EPHB2: variants seen among roughly 807,000 people sequenced by gnomAD.
EPHB2 encodes ephrin type-B receptor 2.
A neutral mutation model predicts 96.4 loss-of-function variants in EPHB2; 18 were observed. The observed-to-expected ratio is 0.19, with a 90% CI of 0.13 to 0.28. EPHB2 has a LOEUF of 0.28. Among genes scored for constraint, EPHB2 ranks in the 10% least tolerant of loss-of-function variants. The pLI, the probability that EPHB2 is intolerant of heterozygous loss-of-function variation, is 1.00. For synonymous variants in EPHB2, 506 were observed against 534.1 expected, an observed-to-expected ratio of 0.95 and a Z score of 0.72; for missense variants, 989 against 1,355.4, an observed-to-expected ratio of 0.73 and a Z score of 4.25.
intron 1 of EPHB2, among the ~76,000 whole-genome samples, chr1:22,773,754 C>T (rs1159184437): frequency 1.3e-5 from 2 of 152,178 alleles, no homozygotes; most frequent in Admixed American, 6.5e-5. Context: ...CACATTCTGG[C>T]GCCCTGTCCT....
chr1:22,725,142 A>T (rs1643553784), intron 1 of EPHB2, among the ~76,000 whole-genome samples: 2 of 152,078 alleles, frequency 1.3e-5, no homozygotes, highest in Admixed American at 6.6e-5. Flanking sequence ...ATACTGGGAG[A>T]TTCTCATCCA....
chr1:22,874,010 C>T (rs1638757181), intron 5 of EPHB2, among the ~76,000 whole-genome samples: 1 of 152,180 alleles, frequency 6.6e-6, no homozygotes, highest in Non-Finnish European at 1.5e-5. Context: ...GGAACCCAGG[C>T]TCAGAGAGAG....
At chr1:22,893,336 T>C (rs1639452901) in intron 7 of EPHB2, among the ~76,000 whole-genome samples, 1 of 152,236 alleles carries the variant, frequency 6.6e-6, no homozygotes, top group Non-Finnish European at 1.5e-5. Flanking sequence ...GGTCCAATTT[T>C]TTCTCATCTA....
chr1:22,849,157 A>G (rs1645586498), intron 3 of EPHB2, among the ~76,000 whole-genome samples: 1 of 152,082 alleles, frequency 6.6e-6, no homozygotes, highest in African/African-American at 2.4e-5. Context: ...ACTGATGAGG[A>G]TCTGTGGTGC....
intron 1 of EPHB2, among the ~76,000 whole-genome samples, chr1:22,746,495 G>A (rs1643976001): frequency 6.6e-6 from 1 of 152,238 alleles, no homozygotes; most frequent in South Asian, 2.1e-4. Context: ...GAGGCCTGTG[G>A]GCTCCTCCTT....
At chr1:22,901,641 C>G (rs1375392667) in intron 9 of EPHB2, among the ~76,000 whole-genome samples, 1 of 152,220 alleles carries the variant, frequency 6.6e-6, no homozygotes, top group Non-Finnish European at 1.5e-5. Context: ...TTGTTGGAGG[C>G]TCTGGCCACC....
rs576469020 is a variant in EPHB2 at position 22,875,471 on chromosome 1, C to T, written c.1304-6888C>T. Among the ~76,000 whole-genome samples, 2 of 152,320 alleles carry T rather than the reference C, an allele frequency of 1.3e-5. No homozygotes were observed. Among genetic ancestry groups the T allele is most frequent in the South Asian group, 4.1e-4 (2 of 4,824 alleles). ...GCACAGGGCCTGGGGGAGAGGGAAA[C>T]TGCCTTCCGCTGGCTGCTTGGGAAG... On this transcript the variant is annotated intron_variant, in intron 5 of 15. Coordinates refer to ENST00000374630, the MANE Select transcript of EPHB2 (RefSeq NM_017449.5). This position sits in a 1 kb window ranked among gnomAD's most constrained non-coding sequence, Gnocchi z 4.2.
intron 9 of EPHB2, among the ~76,000 whole-genome samples, chr1:22,904,365 T>C (rs1353128426): frequency 6.6e-6 from 1 of 152,158 alleles, no homozygotes; most frequent in African/African-American, 2.4e-5. Context: ...AGAACTTTTA[T>C]TTTTGACAAT....
intron 3 of EPHB2, among the ~76,000 whole-genome samples, chr1:22,820,234 A>T (rs1645134384): frequency 6.6e-6 from 1 of 152,060 alleles, no homozygotes; most frequent in Non-Finnish European, 1.5e-5. Flanking sequence ...CCATTCTTAC[A>T]TGTGTCATCC....
intron 1 of EPHB2, among the ~76,000 whole-genome samples, chr1:22,748,611 A>G (rs1320310734): frequency 6.6e-6 from 1 of 150,958 alleles, no homozygotes; most frequent in South Asian, 2.1e-4. Context: ...CGAACTCCTG[A>G]CCTCATGATC....
At chr1:22,837,000 T>C (rs1432823885) in intron 3 of EPHB2, among the ~76,000 whole-genome samples, 2 of 152,074 alleles carry the variant, frequency 1.3e-5, no homozygotes, top group Non-Finnish European at 2.9e-5. Context: ...AGGGCCTTTG[T>C]GGTTCCAAGT....
chr1:22,825,450 G>A (rs557171934), intron 3 of EPHB2, among the ~76,000 whole-genome samples: 1 of 152,238 alleles, frequency 6.6e-6, no homozygotes. Context: ...CAGGGGGTGA[G>A]CGGAGCACTG....
intron 7 of EPHB2, 37 bp downstream of exon 7, chr1:22,893,083 C>G (rs1212794532): frequency 6.2e-7 from 1 of 1,613,902 alleles, no homozygotes; most frequent in Admixed American, 1.7e-5. Context: ...AGGGCACAGA[C>G]TCCACAAACA....
intron 3 of EPHB2, among the ~76,000 whole-genome samples, chr1:22,832,614 C>G (rs1422481605): frequency 2.0e-5 from 3 of 152,194 alleles, no homozygotes; most frequent in African/African-American, 7.2e-5. Flanking sequence ...GTTGCTATTC[C>G]TCTGCCATGA....
chr1:22,901,820 A>AGTGTGTGTGTGTGT lies in EPHB2; in HGVS notation c.1766-4154_1766-4141dup, dbSNP rs57503593. 7.0e-3 allele frequency among the ~76,000 whole-genome samples: 1,038 copies of AGTGTGTGTGTGTGT among 148,560 alleles called. 14 individuals are homozygous for AGTGTGTGTGTGTGT. The highest frequency in any genetic ancestry group is 0.018 in the African/African-American group (714 of 40,192). On this transcript the variant is annotated intron_variant, in intron 9 of 15. Coordinates refer to ENST00000374630, the MANE Select transcript of EPHB2 (RefSeq NM_017449.5). ...ATTTAACTTCGTGTGTGTGTGTGTG[A>AGTGTGTGTGTGTGT]GTGTGTGTGTGTGTGTGTGTGTGTG... is the stretch of plus-strand genomic sequence containing the variant.
At chr1:22,755,929 C>T (rs764880737) in intron 1 of EPHB2, among the ~76,000 whole-genome samples, 2 of 152,228 alleles carry the variant, frequency 1.3e-5, no homozygotes, top group Non-Finnish European at 1.5e-5. Flanking sequence ...TATGTAATTT[C>T]ACCACTCTAG....
intron 3 of EPHB2, among the ~76,000 whole-genome samples, chr1:22,829,631 G>A (rs6686906): frequency 0.36 from 54,288 of 152,066 alleles, 9,760 homozygotes; most frequent in South Asian, 0.49. Flanking sequence ...CTGGGGAGGT[G>A]GACGTGAATC....
chr1:22,732,629 A>G (rs1643743464), intron 1 of EPHB2, among the ~76,000 whole-genome samples: 1 of 152,100 alleles, frequency 6.6e-6, no homozygotes, highest in Admixed American at 6.5e-5. Flanking sequence ...ATTTTTGCCT[A>G]GCAGGTAAAT....
At chr1:22,881,503 G>A (rs1639043448) in intron 5 of EPHB2, among the ~76,000 whole-genome samples, 1 of 152,188 alleles carries the variant, frequency 6.6e-6, no homozygotes, top group African/African-American at 2.4e-5. Context: ...GCTACAGTGA[G>A]CTGTGTTCAT....
Sources: gnomAD v4.1 joint callset for allele counts (sites outside exome capture counted in the v4.1 genomes callset) on GRCh38, gnomAD v4.1.1 for gene constraint, Gnocchi (gnomAD v3.1) non-coding constraint, MANE v1.5 for transcripts, NCBI Gene and HGNC (gene_info 2026-07-23, HGNC 2026-07-21) for gene names.